PLXDC1: variants seen among roughly 807,000 people sequenced by gnomAD.
The protein encoded by PLXDC1 is plexin domain-containing protein 1.
Under a neutral mutation model 61.3 loss-of-function variants are expected in PLXDC1, and 39 were observed. The observed-to-expected ratio is 0.64, with a 90% CI of 0.49 to 0.83. PLXDC1 has a LOEUF of 0.83. Ranked by LOEUF, PLXDC1 falls within the 40% of genes least tolerant of loss-of-function variation. PLXDC1 has a pLI of 0.00. For synonymous variants in PLXDC1, 212 were observed against 254.5 expected (o/e 0.83, Z 1.59); for missense variants, 596 against 666.5 (o/e 0.89, Z 1.17).
chr17:39,145,709 C>G (rs543829073), intron 1 of PLXDC1, among the ~76,000 whole-genome samples: 5 of 152,122 alleles, frequency 3.3e-5, no homozygotes, highest in African/African-American at 1.2e-4. Flanking sequence ...CTGGAAACAC[C>G]CTTCCCTTGG....
At chr17:39,120,758 A>ATTT (rs57148436) in intron 2 of PLXDC1, among the ~76,000 whole-genome samples, 1 of 124,364 alleles carries the variant, frequency 8.0e-6, no homozygotes, top group African/African-American at 3.0e-5. Flanking sequence ...CACCCAGCTA[A>ATTT]TTTTTTTTTT....
rs572205588 is a variant in PLXDC1 at position 39,108,078 on chromosome 17, G to A, written c.592+45C>T. On this transcript the variant is annotated intron_variant, in intron 5 of 13. Coordinates refer to ENST00000315392, the MANE Select transcript of PLXDC1 (RefSeq NM_020405.5). ...GTGCTCCTCTAAAGGACTGGACAAG[G>A]GATCCCTGGAGCTGGGTGACTTAAA... The A allele has an allele frequency of 1.9e-6, 3 of 1,613,118 alleles. No homozygotes were observed. In the Admixed American group the frequency reaches 5.0e-5, roughly 27 times the overall value.
At chr17:39,113,313 G>T (rs1056254686) in intron 2 of PLXDC1, 3 of 152,216 alleles carry the variant, frequency 2.0e-5, no homozygotes, top group African/African-American at 7.2e-5. Flanking sequence ...AACTGCAAGT[G>T]AATAAATTTC....
In PLXDC1 at chr17:39,150,678, T is replaced by C. The variant is rs141973433; in HGVS notation, c.76+684A>G. ...GAATGGGACGCCTCCCTCCACCCCC[T>C]ACCCCAGTGCCCCATCTAGAGCCAG... is the stretch of plus-strand genomic sequence containing the variant. On this transcript the variant is annotated intron_variant, in intron 1 of 13. Transcript: ENST00000315392. Among the ~76,000 whole-genome samples the C allele has an allele frequency of 1.7e-3, 260 of 152,212 alleles. 1 individual carries two copies. The highest frequency in any genetic ancestry group is 6.0e-3 in the African/African-American group (248 of 41,528).
In PLXDC1 at chr17:39,115,865, A is replaced by T. The variant is rs544079828; in HGVS notation, c.256-6474T>A. Among the ~76,000 whole-genome samples, 10 of 152,316 alleles carry T rather than the reference A, an allele frequency of 6.6e-5. 1 individual carries two copies. The highest frequency in any genetic ancestry group is 2.4e-4 in the African/African-American group (10 of 41,586). On this transcript the variant is annotated intron_variant, in intron 2 of 13. Transcript: ENST00000315392. ...CATGGTGGCTCATGCCTGTAATCCC[A>T]GCACTTTGGGAGGCTGAGACAGGGC... is the stretch of plus-strand genomic sequence containing the variant.
At chr17:39,131,465 G>A (rs998885329) in intron 2 of PLXDC1, among the ~76,000 whole-genome samples, 3 of 151,870 alleles carry the variant, frequency 2.0e-5, no homozygotes, top group African/African-American at 7.3e-5. Context: ...CGATTCTCCT[G>A]CCTCAGCTTC....
Position 39,063,505 on chromosome 17 carries a change from T to C in PLXDC1, c.*4335A>G. On this transcript the variant is annotated 3_prime_UTR_variant, in exon 14 of 14. Coordinates refer to ENST00000315392, the MANE Select transcript of PLXDC1 (RefSeq NM_020405.5). ...GCTGGAGGCTGTTCCCACAGTCATG[T>C]CTCAGCGAAGAAGTCGGAGTTCAGC... 1.4e-6 allele frequency: 1 copy of C among 702,998 alleles called. No individual in the cohort carries two copies. The allele number at this position is 702,998 out of a possible 1,614,324, so 43.5% of individuals were successfully genotyped here. A position where few individuals can be genotyped will look rare whatever the true frequency, so the allele number is the denominator to read the frequency against.
intron 10 of PLXDC1, among the ~76,000 whole-genome samples, chr17:39,078,735 A>G (rs1004076610): frequency 4.6e-5 from 7 of 152,178 alleles, no homozygotes; most frequent in African/African-American, 1.4e-4. Flanking sequence ...CTCAAAAGCC[A>G]GAGGACCAGA....
At chr17:39,110,968 A>G (rs1469067658) in intron 2 of PLXDC1, among the ~76,000 whole-genome samples, 2 of 151,968 alleles carry the variant, frequency 1.3e-5, no homozygotes, top group Admixed American at 1.3e-4. Flanking sequence ...AGTCAAACCA[A>G]TCAAAAACAC....
At chr17:39,097,977 G>A (rs1190688902) in intron 7 of PLXDC1, among the ~76,000 whole-genome samples, 2 of 151,284 alleles carry the variant, frequency 1.3e-5, no homozygotes, top group East Asian at 3.9e-4. Flanking sequence ...GGCCAAGGTG[G>A]GCGGATCACC....
chr17:39,109,254 CT>C lies in PLXDC1; in HGVS notation c.392del (p.Gln131ArgfsTer23). The C allele has an allele frequency of 6.2e-7, 1 of 1,605,624 alleles. No individual in the cohort carries two copies. The highest frequency in any genetic ancestry group is 1.1e-5 in the South Asian group (1 of 90,246). Reference protein sequence around the residue: ...IHTILSNTHRQASRVVLSFDF... With the variant: ...IHTILSNTHRXASRVVLSFDF... The stretch of plus-strand genomic sequence containing the variant: ...TGGCGACTGGGGCACTCACCGAAGC[CT>C]GCCGGTGGGTGTTGGAGAGTATTGT... On this transcript the variant is annotated frameshift_variant, in exon 3 of 14. Coordinates refer to ENST00000315392, the MANE Select transcript of PLXDC1 (RefSeq NM_020405.5). LOFTEE classifies it high-confidence loss of function.
At chr17:39,147,647 G>C (rs1460644007) in intron 1 of PLXDC1, among the ~76,000 whole-genome samples, 1 of 151,684 alleles carries the variant, frequency 6.6e-6, no homozygotes, top group Non-Finnish European at 1.5e-5. Flanking sequence ...GGGACCACCA[G>C]GTAGCAGAAG....
At chr17:39,069,647 G>A (rs966879651) in intron 13 of PLXDC1, among the ~76,000 whole-genome samples, 1 of 152,168 alleles carries the variant, frequency 6.6e-6, no homozygotes, top group African/African-American at 2.4e-5. Context: ...CACAGGACAG[G>A]AGGGCCGAGG....
At position 39,107,544 on chromosome 17, in the gene PLXDC1, A is replaced by C; in HGVS notation, c.593-19T>G. The C allele has an allele frequency of 1.3e-6, 2 of 1,546,930 alleles. No individual in the cohort carries two copies. The highest frequency in any genetic ancestry group is 1.8e-6 in the Non-Finnish European group (2 of 1,118,554). On this transcript the variant is annotated intron_variant, in intron 5 of 13. Coordinates refer to ENST00000315392, the MANE Select transcript of PLXDC1 (RefSeq NM_020405.5). ...ACTGTCCCTGGGGAGAAGAACAGAG[A>C]CCCGGCTGGACGGGAGATCATGCAA...
intron 12 of PLXDC1, 141 bp downstream of exon 12, chr17:39,072,305 CCCAG>C: frequency 1.5e-6 from 1 of 675,410 alleles, no homozygotes; most frequent in Non-Finnish European, 2.7e-6. Context: ...TGCCTCCCCA[CCCAG>C]CAGGAGGTCT....
intron 7 of PLXDC1, among the ~76,000 whole-genome samples, chr17:39,089,415 C>A (rs1446547201): frequency 6.6e-6 from 1 of 152,168 alleles, no homozygotes; most frequent in Non-Finnish European, 1.5e-5. Context: ...GTACCGGGCT[C>A]ATGGGGAAAG....
At chr17:39,107,190 G>A (rs1172146668) in intron 6 of PLXDC1, among the ~76,000 whole-genome samples, 1 of 152,204 alleles carries the variant, frequency 6.6e-6, no homozygotes, top group African/African-American at 2.4e-5. Flanking sequence ...ACTTGGGAGC[G>A]CTTGTCACAG....
At chr17:39,131,569 T>C (rs1256834115) in intron 2 of PLXDC1, among the ~76,000 whole-genome samples, 1 of 152,068 alleles carries the variant, frequency 6.6e-6, no homozygotes, top group Non-Finnish European at 1.5e-5. Context: ...GCCAGGCTGG[T>C]CTTGAACTCC....
intron 2 of PLXDC1, among the ~76,000 whole-genome samples, chr17:39,128,215 GTGTA>G (rs1911415632): frequency 3.8e-5 from 5 of 131,424 alleles, no homozygotes; most frequent in African/African-American, 1.4e-4. Flanking sequence ...ATATGTGTGT[GTGTA>G]TATATATATT....
Sources: allele counts gnomAD v4.1 joint callset (sites outside exome capture counted in the v4.1 genomes callset), GRCh38; gene constraint gnomAD v4.1.1; transcripts MANE v1.5; gene names NCBI Gene and HGNC (gene_info 2026-07-23, HGNC 2026-07-21).